NSD2: variants seen among roughly 807,000 people sequenced by gnomAD.
NSD2 encodes the protein histone-lysine N-methyltransferase NSD2.
NSD2 carries 12 observed loss-of-function variants against 139.0 expected under a neutral mutation model. That is an observed-to-expected ratio of 0.09 (90% CI 0.06 to 0.14). The LOEUF is 0.14. NSD2 is among the 10% of genes least tolerant of loss of function. NSD2 has a pLI of 1.00. For missense variants in NSD2, 1,155 were observed against 1,745.0 expected (o/e 0.66, Z 6.02); for synonymous variants, 669 against 648.7 (o/e 1.03, Z -0.48).
At chr4:1,896,758 C>T (rs1560580790) in intron 1 of NSD2, among the ~76,000 whole-genome samples, 2 of 149,096 alleles carry the variant, frequency 1.3e-5, no homozygotes, top group East Asian at 4.0e-4. Context: ...TTCTTTCTTT[C>T]CTTCTTTCTT....
chr4:1,977,873 C>G (rs558872541), intron 21 of NSD2, among the ~76,000 whole-genome samples: 1 of 151,432 alleles, frequency 6.6e-6, no homozygotes, highest in South Asian at 2.1e-4. Flanking sequence ...TGCCTCTAAT[C>G]CCAGCACTTC....
chr4:1,961,198 A>G (rs1725331388), intron 18 of NSD2, 47 bp downstream of exon 18: 1 of 1,482,982 alleles, frequency 6.7e-7, no homozygotes. Flanking sequence ...CTGGACCTGG[A>G]GCCCTGATGG....
intron 5 of NSD2, among the ~76,000 whole-genome samples, chr4:1,924,303 G>T (rs373166571): frequency 2.2e-4 from 34 of 152,324 alleles, no homozygotes; most frequent in African/African-American, 7.2e-4. Flanking sequence ...CTAGGCCTGC[G>T]CAGGGTTGGT....
chr4:1,947,123 ACAGTG>A, intron 9 of NSD2: 1 of 1,065,174 alleles, frequency 9.4e-7, no homozygotes, highest in Non-Finnish European at 1.1e-6. Flanking sequence ...TCCTTCGCAG[ACAGTG>A]CACAGCCTGC....
intron 18 of NSD2, among the ~76,000 whole-genome samples, chr4:1,965,874 C>CAG (rs1725836292): frequency 6.6e-6 from 1 of 152,192 alleles, no homozygotes; most frequent in African/African-American, 2.4e-5. Flanking sequence ...GGAGGAAACC[C>CAG]TCCCATAATC....
chr4:1,974,655 C>T lies in NSD2; in HGVS notation c.3373-208C>T, dbSNP rs1481780065. On this transcript the variant is annotated intron_variant, in intron 18 of 21. Coordinates refer to ENST00000508803, the MANE Select transcript of NSD2 (RefSeq NM_001042424.3). The surrounding 1 kb of genome is among the most constrained non-coding windows in gnomAD (Gnocchi z 4.0). ...TCCCCGGCGCTCACTAAGGCTCGGT[C>T]CTCTCCACGTGGTCCTGACCTGTCC... 3.9e-6 allele frequency: 3 copies of T among 774,446 alleles called. No individual in the cohort carries two copies. Among genetic ancestry groups the T allele is most frequent in the Admixed American group, 3.5e-5 (2 of 57,640 alleles). 48.0% of individuals were successfully genotyped at this position (774,446 alleles called of 1,614,324 possible).
At chr4:1,890,214 A>T (rs1009999883) in intron 1 of NSD2, among the ~76,000 whole-genome samples, 1 of 152,170 alleles carries the variant, frequency 6.6e-6, no homozygotes, top group African/African-American at 2.4e-5. Context: ...ACCATTCATC[A>T]GTTGATAGAC....
At chr4:1,896,560 C>G (rs2108728445) in intron 1 of NSD2, among the ~76,000 whole-genome samples, 1 of 152,252 alleles carries the variant, frequency 6.6e-6, no homozygotes, top group Admixed American at 6.5e-5. Flanking sequence ...GAGACAGGGT[C>G]TCACTATGCT....
chr4:1,916,867 C>G lies in NSD2; in HGVS notation c.761-4C>G. 1 of 1,588,272 alleles carries G rather than the reference C, an allele frequency of 6.3e-7. No homozygotes were observed. Among genetic ancestry groups the G allele is most frequent in the Non-Finnish European group, 8.5e-7 (1 of 1,170,010 alleles). On this transcript the variant is annotated splice_polypyrimidine_tract_variant and splice_region_variant and intron_variant, in intron 3 of 21. Transcript: ENST00000508803. ...ATTCTCTAACATTTTATTTTAAAAA[C>G]TAGGTCAGAAAAAGAGTGCACGCCA...
chr4:1,917,629 G>T (rs1719568770), intron 4 of NSD2, among the ~76,000 whole-genome samples: 2 of 152,136 alleles, frequency 1.3e-5, no homozygotes, highest in Admixed American at 6.5e-5. Flanking sequence ...TGGAGACAGG[G>T]TTTCACCAGG....
intron 1 of NSD2, among the ~76,000 whole-genome samples, chr4:1,890,570 G>A (rs1459245554): frequency 6.6e-6 from 1 of 151,618 alleles, no homozygotes; most frequent in Non-Finnish European, 1.5e-5. Flanking sequence ...CAAAGTGCTG[G>A]GATTACAGGC....
At chr4:1,935,512 T>G (rs1477609136) in intron 7 of NSD2, among the ~76,000 whole-genome samples, 8 of 152,176 alleles carry the variant, frequency 5.3e-5, no homozygotes, top group Non-Finnish European at 1.2e-4. Context: ...AAAACAGACA[T>G]CCAAATGCTT....
intron 3 of NSD2, 25 bp downstream of exon 3, chr4:1,904,403 T>C: frequency 6.3e-7 from 1 of 1,586,986 alleles, no homozygotes; most frequent in Non-Finnish European, 8.6e-7. Context: ...GGGTTGTTTT[T>C]CCAACTTTCT....
intron 6 of NSD2, among the ~76,000 whole-genome samples, chr4:1,933,082 G>A (rs1274183656): frequency 1.3e-5 from 2 of 152,170 alleles, no homozygotes; most frequent in East Asian, 3.9e-4. Flanking sequence ...GCCTGCAGTG[G>A]TGTGGCCAGG....
chr4:1,946,728 T>A, intron 9 of NSD2: 3 of 1,044,656 alleles, frequency 2.9e-6, no homozygotes, highest in Non-Finnish European at 3.5e-6. Flanking sequence ...TTGACTGTAA[T>A]TAGCAGGTAG....
intron 9 of NSD2, chr4:1,941,667 A>T: frequency 9.6e-7 from 1 of 1,044,188 alleles, no homozygotes; most frequent in Non-Finnish European, 1.2e-6. Flanking sequence ...CATAGATCCC[A>T]TAGTGTGCAT....
chr4:1,889,566 A>G (rs1715373942), intron 1 of NSD2, among the ~76,000 whole-genome samples: 1 of 151,136 alleles, frequency 6.6e-6, no homozygotes, highest in African/African-American at 2.4e-5. Flanking sequence ...CAATGGCACC[A>G]TCTCGGCTTA....
intron 5 of NSD2, among the ~76,000 whole-genome samples, chr4:1,924,950 C>T (rs1720663245): frequency 6.6e-6 from 1 of 152,112 alleles, no homozygotes; most frequent in African/African-American, 2.4e-5. Flanking sequence ...AAAAATTGAG[C>T]TCTGTGTTAA....
At chr4:1,947,109 C>T in intron 9 of NSD2, 1 of 1,065,208 alleles carries the variant, frequency 9.4e-7, no homozygotes, top group Non-Finnish European at 1.1e-6. Flanking sequence ...TCATTGTCCT[C>T]AAGTCCTTCG....
Sources: allele counts gnomAD v4.1 joint callset (sites outside exome capture counted in the v4.1 genomes callset), GRCh38; gene constraint gnomAD v4.1.1; non-coding constraint Gnocchi (gnomAD v3.1); transcripts MANE v1.5; gene names NCBI Gene and HGNC (gene_info 2026-07-23, HGNC 2026-07-21).